LRIG2: variants seen among roughly 807,000 people sequenced by gnomAD.
LRIG2 encodes leucine-rich repeats and immunoglobulin-like domains protein 2.
A neutral mutation model predicts 107.8 loss-of-function variants in LRIG2; 93 were observed. That is an observed-to-expected ratio of 0.86 (90% confidence interval 0.73 to 1.03). LRIG2 has a LOEUF of 1.03. Among genes scored for constraint, LRIG2 ranks in the 50% least tolerant of loss-of-function variants. The pLI is 0.00. For missense variants in LRIG2, 1,226 were observed against 1,296.0 expected, an observed-to-expected ratio of 0.95 and a Z score of 0.83; for synonymous variants, 471 against 470.6, an observed-to-expected ratio of 1.00 and a Z score of -0.01.
At chr1:113,115,391 T>C (rs1654961939) in intron 15 of LRIG2, among the ~76,000 whole-genome samples, 1 of 152,134 alleles carries the variant, frequency 6.6e-6, no homozygotes, top group Admixed American at 6.5e-5. Context: ...TTTATATTTT[T>C]AGTAGAGTCG....
At chr1:113,074,654 A>G (rs999202437) in intron 1 of LRIG2, among the ~76,000 whole-genome samples, 8 of 152,160 alleles carry the variant, frequency 5.3e-5, no homozygotes, top group African/African-American at 1.2e-4. Flanking sequence ...CACGCCTGTA[A>G]TCCCAGCACT....
At chr1:113,095,099 A>C (rs1653998574) in intron 6 of LRIG2, among the ~76,000 whole-genome samples, 1 of 151,282 alleles carries the variant, frequency 6.6e-6, no homozygotes, top group Non-Finnish European at 1.5e-5. Flanking sequence ...CAGCCTTCTG[A>C]GTAGCTGGGA....
rs771479474 is a variant in LRIG2 at position 113,094,378 on chromosome 1, T to A, written c.555T>A (p.Gly185=). 6.2e-7 allele frequency: 1 copy of A among 1,612,726 alleles called. No homozygotes were observed. The highest frequency in any genetic ancestry group is 1.7e-5 in the Admixed American group (1 of 59,896). ...ACAGAATAACCACCTTGGAGGCTGG[T>A]TGCTTCGATAATTTATCAAGTTCCT... ...SNNRITTLEA[G]CFDNLSSSLL... is the part of the protein sequence containing the mutation. Residue 185 remains glycine (G), a synonymous_variant, in exon 5 of 18, where the codon GGT becomes GGA. Coordinates refer to ENST00000361127, the MANE Select transcript of LRIG2 (RefSeq NM_014813.3).
At chr1:113,090,540 T>C (rs1413924927) in intron 1 of LRIG2, among the ~76,000 whole-genome samples, 3 of 151,964 alleles carry the variant, frequency 2.0e-5, no homozygotes, top group African/African-American at 4.8e-5. Flanking sequence ...TTTTTTTTTA[T>C]TAAAAAAATT....
At chr1:113,123,516 G>A (rs1407131948) in intron 17 of LRIG2, among the ~76,000 whole-genome samples, 1 of 152,208 alleles carries the variant, frequency 6.6e-6, no homozygotes, top group Non-Finnish European at 1.5e-5. Context: ...GGAGGTTGCG[G>A]TGAGCCGAGA....
chr1:113,112,964 TTAGG>T (rs1157874848), intron 14 of LRIG2, among the ~76,000 whole-genome samples: 1 of 152,180 alleles, frequency 6.6e-6, no homozygotes, highest in South Asian at 2.1e-4. Context: ...TAGGGCAAAA[TTAGG>T]TAGGCATCCT....
rs749853833 is a variant in LRIG2, at chr1:113,073,428, G to A, written c.22G>A (p.Val8Ile). The change falls in exon 1 of 18, where the codon GTC (valine) becomes ATC (isoleucine). Residue 8 changes from valine to isoleucine, a missense_variant. Coordinates refer to ENST00000361127, the MANE Select transcript of LRIG2 (RefSeq NM_014813.3). ...GAAAATGGCGCCGGCGCCCCTAGGCGTCCCGGAGGAGCAGTTGCTGGGGTG... is the reference window on the plus strand; with the variant it reads ...GAAAATGGCGCCGGCGCCCCTAGGCATCCCGGAGGAGCAGTTGCTGGGGTG... MAPAPLG[V>I]PEEQLLGCRS... The A allele has an allele frequency of 1.2e-6, 2 of 1,614,040 alleles. No homozygotes were observed. Among genetic ancestry groups the A allele is most frequent in the Non-Finnish European group, 1.7e-6 (2 of 1,179,920 alleles).
intron 9 of LRIG2, among the ~76,000 whole-genome samples, chr1:113,099,284 C>T (rs1401882252): frequency 7.9e-6 from 1 of 127,352 alleles, no homozygotes; most frequent in African/African-American, 3.0e-5. Context: ...GTCACCCAGG[C>T]TGGAGTGCTG....
rs1202846924 is a variant in LRIG2 at position 113,107,577 on chromosome 1, T to G, written c.1314-17T>G. 6.3e-7 allele frequency: 1 copy of G among 1,599,272 alleles called. No individual in the cohort carries two copies. The highest frequency in any genetic ancestry group is 1.4e-5 in the African/African-American group (1 of 73,900). On this transcript the variant is annotated splice_polypyrimidine_tract_variant and intron_variant, in intron 11 of 17. Transcript: ENST00000361127. ...AAAGTAAAACAAAGGATGCTTTTCC[T>G]CTTTTCTTTCCTGCAGGATTCTGAA... is the stretch of plus-strand genomic sequence containing the variant.
rs200359864 is a variant in LRIG2, at chr1:113,096,247, C to G, written c.973C>G (p.Arg325Gly). 6.2e-7 allele frequency: 1 copy of G among 1,613,988 alleles called. No homozygotes were observed. Among genetic ancestry groups the G allele is most frequent in the East Asian group, 2.2e-5 (1 of 44,888 alleles). The stretch of plus-strand genomic sequence containing the variant: ...TGATTTGTCCTATAACCAGCTGACC[C>G]GCCTGGATGAATCTGCCTTTGTGGG... The part of the protein sequence containing the change: ...ELDLSYNQLT[R>G]LDESAFVGLS... The change falls in exon 8 of 18, where the codon CGC becomes GGC. Residue 325 changes from arginine (R) to glycine (G), a missense_variant. Physicochemically the swap from Arg to Gly is moderately radical, Grantham distance 125. Transcript: ENST00000361127.
In LRIG2 at chr1:113,100,270, C is replaced by G. The variant is rs1394065130; in HGVS notation, c.1232C>G (p.Ser411Cys). Residue 411 changes from serine to cysteine, a missense_variant, in exon 10 of 18, where the codon TCC (serine) becomes TGC (cysteine). By Grantham distance (112) the Ser-to-Cys change is moderately radical (BLOSUM62 -1). Around this residue, in one of 3 missense-constraint regions of LRIG2, gnomAD observed 570 missense variants for 550.2 expected, o/e 1.04. Coordinates refer to ENST00000361127, the MANE Select transcript of LRIG2 (RefSeq NM_014813.3). Reference sequence around the variant, plus strand: ...AAGAAAGCATTCATTGGTCTTGAATCCCTTGAGCATCTGTAAGTATTTTGC... The same window carrying G: ...AAGAAAGCATTCATTGGTCTTGAATGCCTTGAGCATCTGTAAGTATTTTGC... ...ITKKAFIGLESLEHLDLNNNA... is the reference protein window; with the variant it reads ...ITKKAFIGLECLEHLDLNNNA... The G allele has an allele frequency of 1.3e-5, 20 of 1,587,726 alleles. No individual in the cohort carries two copies. The highest frequency in any genetic ancestry group is 1.6e-5 in the Non-Finnish European group (18 of 1,161,018).
At chr1:113,073,893 C>T (rs989271110) in intron 1 of LRIG2, among the ~76,000 whole-genome samples, 6 of 150,056 alleles carry the variant, frequency 4.0e-5, no homozygotes, top group Non-Finnish European at 7.4e-5. Flanking sequence ...TCTGTGATTT[C>T]CTCAACTGGG....
intron 1 of LRIG2, among the ~76,000 whole-genome samples, chr1:113,084,213 C>CT (rs66711679): frequency 0.87 from 105,044 of 120,902 alleles, 47,951 homozygotes; most frequent in South Asian, 0.99. Flanking sequence ...TTACTTAATT[C>CT]TTTTTTTTTT....
At chr1:113,117,166 G>T (rs1196614714) in intron 16 of LRIG2, among the ~76,000 whole-genome samples, 1 of 152,182 alleles carries the variant, frequency 6.6e-6, no homozygotes, top group Non-Finnish European at 1.5e-5. Flanking sequence ...GGGAGTGACA[G>T]AACTGAATGA....
At chr1:113,079,148 T>G (rs1402894042) in intron 1 of LRIG2, among the ~76,000 whole-genome samples, 3 of 151,490 alleles carry the variant, frequency 2.0e-5, no homozygotes, top group African/African-American at 7.3e-5. Flanking sequence ...AGTTCAAGAT[T>G]AGGCTGGGCA....
At chr1:113,076,475 A>T (rs1007864820) in intron 1 of LRIG2, among the ~76,000 whole-genome samples, 4 of 152,246 alleles carry the variant, frequency 2.6e-5, no homozygotes, top group Non-Finnish European at 5.9e-5. Context: ...TGACATTTTC[A>T]GTTGAAGTGA....
chr1:113,078,669 T>G (rs1404246926), intron 1 of LRIG2, among the ~76,000 whole-genome samples: 1 of 151,170 alleles, frequency 6.6e-6, no homozygotes, highest in Non-Finnish European at 1.5e-5. Flanking sequence ...CGGAATAGTT[T>G]CATTCTTGTT....
At chr1:113,101,120 G>A (rs189361048) in intron 11 of LRIG2, among the ~76,000 whole-genome samples, 1 of 152,180 alleles carries the variant, frequency 6.6e-6, no homozygotes, top group East Asian at 1.9e-4. Context: ...CCCTAGGCTG[G>A]AGTGCAGTGG....
intron 12 of LRIG2, among the ~76,000 whole-genome samples, chr1:113,109,254 G>A (rs1654669583): frequency 6.6e-6 from 1 of 152,118 alleles, no homozygotes; most frequent in South Asian, 2.1e-4. Context: ...TTATCCAGTG[G>A]AGATACTGGT....
Sources: gnomAD v4.1 joint callset for allele counts (sites outside exome capture counted in the v4.1 genomes callset) on GRCh38, gnomAD v4.1.1 for gene constraint, gnomAD v4.1.1 regional missense constraint, MANE v1.5 for transcripts, NCBI Gene and HGNC (gene_info 2026-07-23, HGNC 2026-07-21) for gene names.